The following PSME4 variants were observed in gnomAD, a reference collection of about 807,000 sequenced individuals.
PSME4 encodes the protein proteasome activator subunit 4, also known as proteasome activator complex subunit 4.
PSME4 carries 89 observed loss-of-function variants against 253.9 expected under a neutral mutation model. The observed-to-expected ratio is 0.35, with a 90% CI of 0.30 to 0.42. The LOEUF (loss-of-function observed/expected upper bound fraction) is 0.42, where lower values mean the gene tolerates loss of function less well. Among genes scored for constraint, PSME4 ranks in the 10% least tolerant of loss-of-function variants. PSME4 has a pLI of 1.00. For synonymous variants in PSME4, 851 were observed against 759.2 expected, an observed-to-expected ratio of 1.12 and a Z score of -1.99; for missense variants, 2,014 against 2,195.2, an observed-to-expected ratio of 0.92 and a Z score of 1.65.
At chr2:53,875,785 G>T (rs774814342) in intron 41 of PSME4, 30 bp from the exon 42 acceptor site, 2 of 1,596,820 alleles carry the variant, frequency 1.3e-6, no homozygotes, top group Non-Finnish European at 8.5e-7. Context: ...GGACAAAAAT[G>T]GAAAAATAAT....
chr2:53,938,399 A>G (rs1669226080), intron 4 of PSME4, among the ~76,000 whole-genome samples: 1 of 152,282 alleles, frequency 6.6e-6, no homozygotes, highest in East Asian at 1.9e-4. Context: ...ATTAAAATCC[A>G]AAGTGTGCAT....
At chr2:53,934,027 GAAGA>G (rs1668988860) in intron 8 of PSME4, among the ~76,000 whole-genome samples, 1 of 152,166 alleles carries the variant, frequency 6.6e-6, no homozygotes, top group African/African-American at 2.4e-5. Flanking sequence ...AATAATTCAT[GAAGA>G]AATAGCTGCA....
chr2:53,916,341 C>G (rs1668063561), intron 20 of PSME4, among the ~76,000 whole-genome samples: 1 of 151,932 alleles, frequency 6.6e-6, no homozygotes, highest in Non-Finnish European at 1.5e-5. Context: ...CCTAATACCA[C>G]AGCCAAACTG....
intron 3 of PSME4, among the ~76,000 whole-genome samples, chr2:53,940,951 A>AT (rs1558413599): frequency 2.7e-3 from 44 of 16,482 alleles, no homozygotes; most frequent in East Asian, 0.013. Flanking sequence ...ATATATATAT[A>AT]CATATATATA....
Position 53,871,446 on chromosome 2 carries a change from G to C in PSME4, c.5101-1908C>G, listed in dbSNP as rs142593196. Reference sequence around the variant, plus strand: ...TTTTTTTGTATTTTTAGTAGAGATGGGGTTTCACCATGTTAGCCAGGATGG... The same window carrying C: ...TTTTTTTGTATTTTTAGTAGAGATGCGGTTTCACCATGTTAGCCAGGATGG... On this transcript the variant is annotated intron_variant, in intron 43 of 46. Transcript: ENST00000404125. Among the ~76,000 whole-genome samples the C allele has an allele frequency of 2.7e-3, 414 of 151,558 alleles. 3 individuals are homozygous for C. The highest frequency in any genetic ancestry group is 9.4e-3 in the African/African-American group (387 of 41,316).
intron 1 of PSME4, among the ~76,000 whole-genome samples, chr2:53,960,445 G>A (rs904244844): frequency 8.0e-5 from 12 of 150,772 alleles, no homozygotes; most frequent in Middle Eastern, 3.5e-3. Flanking sequence ...AGCTAGAGGA[G>A]CAGATTAAGA....
At chr2:53,927,241 T>G (rs949200210) in intron 12 of PSME4, among the ~76,000 whole-genome samples, 153 bp downstream of exon 12, 9 of 152,224 alleles carry the variant, frequency 5.9e-5, no homozygotes, top group African/African-American at 2.2e-4. Context: ...TAGACTCTCT[T>G]GCCAATGATG....
chr2:53,930,459 G>C (rs1304070504), intron 10 of PSME4, among the ~76,000 whole-genome samples: 1 of 152,138 alleles, frequency 6.6e-6, no homozygotes, highest in Non-Finnish European at 1.5e-5. Flanking sequence ...AGGCCAAGAA[G>C]CAAAGAATAC....
chr2:53,879,868 C>T (rs369417953), intron 41 of PSME4, among the ~76,000 whole-genome samples: 26 of 149,978 alleles, frequency 1.7e-4, no homozygotes, highest in East Asian at 1.6e-3. Flanking sequence ...TCAACTGGTG[C>T]GATGTCAGAA....
chr2:53,901,618 T>C (rs1680404524), intron 27 of PSME4, 59 bp from the exon 28 acceptor site: 4 of 1,391,454 alleles, frequency 2.9e-6, no homozygotes, highest in Middle Eastern at 2.3e-4. Context: ...CATGTAGTTG[T>C]AGCCAATGCA....
chr2:53,947,396 A>G (rs1237875777), intron 3 of PSME4, among the ~76,000 whole-genome samples: 1 of 152,210 alleles, frequency 6.6e-6, no homozygotes, highest in African/African-American at 2.4e-5. Context: ...GGCATAGAGA[A>G]TGGTGCTCTT....
chr2:53,871,383 T>TG (rs201065345), intron 43 of PSME4, among the ~76,000 whole-genome samples: 2,345 of 152,228 alleles, frequency 0.015, 27 homozygotes, highest in South Asian at 0.026. Context: ...CCCAAGTAGC[T>TG]GGGACTACAG....
chr2:53,922,426 G>C, intron 17 of PSME4, 91 bp downstream of exon 17: 2 of 1,362,448 alleles, frequency 1.5e-6, no homozygotes, highest in Non-Finnish European at 2.1e-6. Flanking sequence ...CTTTTCATAT[G>C]TTTTAAAGTC....
rs1483166111 is a variant in PSME4, at chr2:53,864,112, T to G, written c.*1466A>C. 6.6e-6 allele frequency: 1 copy of G among 152,230 alleles called. No individual in the cohort carries two copies. The highest frequency in any genetic ancestry group is 2.4e-5 in the African/African-American group (1 of 41,446). The allele number at this position is 152,230 out of a possible 1,614,324, so 9.4% of individuals were successfully genotyped here. A position where few individuals can be genotyped will look rare whatever the true frequency, so the allele number is the denominator to read the frequency against. The stretch of plus-strand genomic sequence containing the variant: ...TTGGGTTTTAAACTAGTTACACAAC[T>G]GAAATCAGTTTGGCACTACTTTATA... On this transcript the variant is annotated 3_prime_UTR_variant, in exon 47 of 47. Coordinates refer to ENST00000404125, the MANE Select transcript of PSME4 (RefSeq NM_014614.3).
chr2:53,887,360 G>T lies in PSME4; in HGVS notation c.4628C>A (p.Pro1543His), dbSNP rs749022437. Residue 1543 changes from proline to histidine, a missense_variant, in exon 40 of 47, where the codon CCT (proline) becomes CAT (histidine). Pro to His is a moderately conservative substitution (Grantham distance 77). Transcript: ENST00000404125. ...FTARILEKLK[P>H]LMDVDEEIQN... is the part of the protein sequence containing the mutation. ...AATTTCTTCATCCACATCCATGAGA[G>T]GTTTCAATTTCTCCAGAATTCGAGC... 6.2e-7 allele frequency: 1 copy of T among 1,613,528 alleles called. No homozygotes were observed. The highest frequency in any genetic ancestry group is 1.3e-5 in the African/African-American group (1 of 74,856).
rs1248882221 is a variant in PSME4 at position 53,866,900 on chromosome 2, A to G, written c.5264-20T>C. ...CCAACTCTGCAAAGAGAATAGCAACATTTGTGCAAATATATATATGTCTCT... is the reference window on the plus strand; with the variant it reads ...CCAACTCTGCAAAGAGAATAGCAACGTTTGTGCAAATATATATATGTCTCT... On this transcript the variant is annotated intron_variant, in intron 44 of 46. Transcript: ENST00000404125. 1 of 1,608,958 alleles carries G rather than the reference A, an allele frequency of 6.2e-7. No homozygotes were observed. Among genetic ancestry groups the G allele is most frequent in the Non-Finnish European group, 8.5e-7 (1 of 1,177,640 alleles).
chr2:53,959,614 T>C (rs1163952206), intron 1 of PSME4, among the ~76,000 whole-genome samples: 5 of 152,188 alleles, frequency 3.3e-5, no homozygotes, highest in Non-Finnish European at 7.3e-5. Context: ...GAGGTAAAAG[T>C]AGCAGAGAAA....
chr2:53,960,335 G>C (rs1230222200), intron 1 of PSME4, among the ~76,000 whole-genome samples: 1 of 150,366 alleles, frequency 6.7e-6, no homozygotes, highest in Non-Finnish European at 1.5e-5. Context: ...GGAGGCGGAG[G>C]TTGCAGTGAG....
At chr2:53,934,816 G>A in intron 7 of PSME4, 89 bp from the exon 8 acceptor site, 1 of 988,466 alleles carries the variant, frequency 1.0e-6, no homozygotes, top group Non-Finnish European at 1.4e-6. Context: ...TGTTACTGAA[G>A]ATATTTTCAT....
Sources: allele counts gnomAD v4.1 joint callset (sites outside exome capture counted in the v4.1 genomes callset), GRCh38; gene constraint gnomAD v4.1.1; transcripts MANE v1.5; gene names NCBI Gene and HGNC (gene_info 2026-07-23, HGNC 2026-07-21).